The following MSRA variants were observed in gnomAD, a reference collection of about 807,000 sequenced individuals.
MSRA encodes methionine sulfoxide reductase A.
MSRA carries 54 observed loss-of-function variants against 31.3 expected under a neutral mutation model. That is an observed-to-expected ratio of 1.73 (90% CI 1.39 to 2.17). The LOEUF is 2.17. MSRA is among the 30% of genes most tolerant of loss of function. The probability of loss-of-function intolerance (pLI) is 0.00; values close to 1 mark genes in which losing one functional copy is unlikely to be tolerated. For synonymous variants in MSRA, 169 were observed against 116.5 expected (o/e 1.45, Z -2.90); for missense variants, 507 against 300.9 (o/e 1.69, Z -5.07).
At chr8:10,069,716 T>A (rs1207386469) in intron 1 of MSRA, among the ~76,000 whole-genome samples, 1 of 152,176 alleles carries the variant, frequency 6.6e-6, no homozygotes, top group Non-Finnish European at 1.5e-5. Context: ...AATCACCTCT[T>A]AAGGGTACCT....
chr8:10,401,746 A>G (rs963465755), intron 5 of MSRA, among the ~76,000 whole-genome samples: 3 of 152,250 alleles, frequency 2.0e-5, no homozygotes, highest in East Asian at 3.8e-4. Flanking sequence ...GAAAATTCTG[A>G]CATGTGCTAC....
At chr8:10,062,468 A>C (rs1797252266) in intron 1 of MSRA, among the ~76,000 whole-genome samples, 1 of 152,180 alleles carries the variant, frequency 6.6e-6, no homozygotes, top group Non-Finnish European at 1.5e-5. Flanking sequence ...TGAGGGCAGG[A>C]ATTGACTTAC....
At chr8:10,107,965 C>T (rs1242006197) in intron 1 of MSRA, among the ~76,000 whole-genome samples, 1 of 152,172 alleles carries the variant, frequency 6.6e-6, no homozygotes, top group Non-Finnish European at 1.5e-5. Flanking sequence ...AATTCTTCCT[C>T]ATATTTAACC....
At chr8:10,322,190 A>G (rs763865554) in intron 5 of MSRA, among the ~76,000 whole-genome samples, 1 of 152,076 alleles carries the variant, frequency 6.6e-6, no homozygotes, top group Non-Finnish European at 1.5e-5. Context: ...ATTTGACTCA[A>G]GCAGACCTAT....
intron 5 of MSRA, among the ~76,000 whole-genome samples, chr8:10,378,079 A>G (rs1334574675): frequency 6.6e-6 from 1 of 152,234 alleles, no homozygotes; most frequent in Admixed American, 6.5e-5. Flanking sequence ...CGACATTGGC[A>G]GAGGAACTCT....
intron 2 of MSRA, among the ~76,000 whole-genome samples, chr8:10,221,500 A>G (rs1456307771): frequency 6.6e-6 from 1 of 152,044 alleles, no homozygotes; most frequent in Non-Finnish European, 1.5e-5. Context: ...TAAGGCTCAG[A>G]GACATTGACT....
At chr8:10,245,682 GA>G (rs1185702702) in intron 3 of MSRA, among the ~76,000 whole-genome samples, 2 of 152,228 alleles carry the variant, frequency 1.3e-5, no homozygotes, top group Non-Finnish European at 2.9e-5. Context: ...GGGTAATGGG[GA>G]TGATGGACCA....
intron 1 of MSRA, among the ~76,000 whole-genome samples, chr8:10,073,185 G>T (rs548104662): frequency 1.2e-4 from 18 of 151,950 alleles, no homozygotes; most frequent in African/African-American, 4.3e-4. Flanking sequence ...TGCTTACTTT[G>T]TATCTATCTT....
intron 2 of MSRA, among the ~76,000 whole-genome samples, chr8:10,219,832 A>AT (rs1477862294): frequency 8.2e-5 from 12 of 147,226 alleles, no homozygotes; most frequent in African/African-American, 2.7e-4. Flanking sequence ...AAAAAAAGAT[A>AT]TTTGTTAGGT....
At chr8:10,380,253 T>C (rs1318054094) in intron 5 of MSRA, among the ~76,000 whole-genome samples, 1 of 152,228 alleles carries the variant, frequency 6.6e-6, no homozygotes, top group Non-Finnish European at 1.5e-5. Flanking sequence ...GGATGATTCC[T>C]ACTCATGATT....
chr8:10,222,384 G>T (rs1320646979), intron 2 of MSRA, among the ~76,000 whole-genome samples: 3 of 152,138 alleles, frequency 2.0e-5, no homozygotes, highest in African/African-American at 7.2e-5. Flanking sequence ...GCAAGTGTTG[G>T]TGAGGACTCT....
intron 5 of MSRA, among the ~76,000 whole-genome samples, chr8:10,333,095 A>G (rs374034591): frequency 6.6e-6 from 1 of 151,656 alleles, no homozygotes; most frequent in African/African-American, 2.4e-5. Context: ...GACATTTTTG[A>G]TTTTAGTAGA....
chr8:10,423,814 G>T (rs978007671), intron 5 of MSRA, among the ~76,000 whole-genome samples: 2 of 152,218 alleles, frequency 1.3e-5, no homozygotes, highest in African/African-American at 4.8e-5. Flanking sequence ...GGCCCTAGAG[G>T]AGGTGCTGGG....
chr8:10,369,119 G>A (rs567445549), intron 5 of MSRA, among the ~76,000 whole-genome samples: 2 of 152,214 alleles, frequency 1.3e-5, no homozygotes, highest in South Asian at 4.1e-4. Flanking sequence ...AAAAACAGTT[G>A]TATTAAGTAG....
At chr8:10,100,835 G>C (rs1450939126) in intron 1 of MSRA, among the ~76,000 whole-genome samples, 2 of 152,142 alleles carry the variant, frequency 1.3e-5, no homozygotes, top group African/African-American at 4.8e-5. Context: ...TTACAGTTAA[G>C]AATCTCTCAG....
intron 5 of MSRA, among the ~76,000 whole-genome samples, chr8:10,358,571 T>G (rs1405595335): frequency 6.1e-4 from 11 of 18,060 alleles, no homozygotes; most frequent in Non-Finnish European, 1.5e-3. Context: ...GATTCTTTTT[T>G]TTTTTTTTTT....
chr8:10,153,943 A>G (rs1803933122), intron 1 of MSRA, among the ~76,000 whole-genome samples: 1 of 152,242 alleles, frequency 6.6e-6, no homozygotes, highest in Non-Finnish European at 1.5e-5. Flanking sequence ...AAATAAACAT[A>G]ATGGTGTATT....
chr8:10,428,280 G>C lies in MSRA; in HGVS notation c.676G>C (p.Gly226Arg). 1 of 1,614,084 alleles carries C rather than the reference G, an allele frequency of 6.2e-7. No individual in the cohort carries two copies. Among genetic ancestry groups the C allele is most frequent in the Non-Finnish European group, 8.5e-7 (1 of 1,180,008 alleles). Residue 226 changes from glycine to arginine, a missense_variant, in exon 6 of 6, where the codon GGC becomes CGC. By Grantham distance (125) the Gly-to-Arg change is moderately radical. Transcript: ENST00000317173. ...PNGYCGLGGT[G>R]VSCPVGIKK is the part of the protein sequence containing the mutation. ...TGGCTACTGCGGCCTTGGGGGCACC[G>C]GCGTGTCCTGCCCAGTGGGTATTAA...
intron 1 of MSRA, among the ~76,000 whole-genome samples, chr8:10,110,818 C>T (rs1800224982): frequency 6.6e-6 from 1 of 152,148 alleles, no homozygotes; most frequent in Admixed American, 6.5e-5. Flanking sequence ...GGTCATACAG[C>T]ACAAAATCTA....
Sources: allele counts gnomAD v4.1 joint callset (sites outside exome capture counted in the v4.1 genomes callset), GRCh38; gene constraint gnomAD v4.1.1; transcripts MANE v1.5; gene names NCBI Gene and HGNC (gene_info 2026-07-23, HGNC 2026-07-21).